Variants in NPAS3 observed in about 807,000 individuals in gnomAD.
The protein encoded by NPAS3 is neuronal PAS domain protein 3, also known as neuronal PAS domain-containing protein 3.
NPAS3 carries 14 observed loss-of-function variants against 73.1 expected under a neutral mutation model. The ratio of observed to expected loss-of-function variants is 0.19; its 90% CI spans 0.13 to 0.30. The LOEUF is 0.30. Among genes scored for constraint, NPAS3 ranks in the 10% least tolerant of loss-of-function variants. NPAS3 has a pLI of 1.00. For missense variants in NPAS3, 1,096 were observed against 1,250.0 expected (o/e 0.88, Z 1.86); for synonymous variants, 620 against 541.5 (o/e 1.14, Z -2.01).
At chr14:33,049,448 C>A (rs886440822) in intron 1 of NPAS3, among the ~76,000 whole-genome samples, 11 of 152,190 alleles carry the variant, frequency 7.2e-5, no homozygotes, top group South Asian at 2.1e-4. Context: ...GGAAGCCTCA[C>A]AATCATGGGG....
chr14:33,194,543 C>T (rs897645322), intron 2 of NPAS3, among the ~76,000 whole-genome samples: 2 of 152,160 alleles, frequency 1.3e-5, no homozygotes, highest in Non-Finnish European at 2.9e-5. Context: ...TCACTTTTAA[C>T]ATGTGGTCCA....
chr14:33,154,735 C>T (rs2044586163), intron 2 of NPAS3, among the ~76,000 whole-genome samples: 1 of 152,150 alleles, frequency 6.6e-6, no homozygotes, highest in African/African-American at 2.4e-5. Flanking sequence ...ATTCTGCTTC[C>T]TAACAAACAA....
Position 32,985,986 on chromosome 14 carries a change from A to T in NPAS3, c.50+46620A>T, listed in dbSNP as rs144895083. Among the ~76,000 whole-genome samples, 470 of 152,306 alleles carry T rather than the reference A, an allele frequency of 3.1e-3. 4 individuals are homozygous for T. The highest frequency in any genetic ancestry group is 0.014 in the South Asian group (69 of 4,828). ...CATTCAGACAGACAGCAGTAAGGAC[A>T]TGGGGCTGCAGCCATTGTCACTACA... On this transcript the variant is annotated intron_variant, in intron 1 of 11. Coordinates refer to ENST00000356141, the Ensembl canonical transcript of NPAS3.
At chr14:33,424,692 C>T (rs763978402) in intron 4 of NPAS3, among the ~76,000 whole-genome samples, 4 of 149,688 alleles carry the variant, frequency 2.7e-5, no homozygotes, top group African/African-American at 9.9e-5. Context: ...AAGGTGATGC[C>T]AATCCATAAG....
At chr14:33,164,440 C>T (rs1208651687) in intron 2 of NPAS3, among the ~76,000 whole-genome samples, 1 of 151,822 alleles carries the variant, frequency 6.6e-6, no homozygotes, top group Non-Finnish European at 1.5e-5. Context: ...AAGTTCTTAC[C>T]AGTCACAAAT....
chr14:33,515,466 C>T (rs2053253885), intron 4 of NPAS3, among the ~76,000 whole-genome samples: 1 of 152,038 alleles, frequency 6.6e-6, no homozygotes, highest in Non-Finnish European at 1.5e-5. Context: ...CTCCCACCAG[C>T]CAAATCTGGC....
At chr14:33,707,700 G>A (rs1013515165) in intron 6 of NPAS3, among the ~76,000 whole-genome samples, 2 of 152,196 alleles carry the variant, frequency 1.3e-5, no homozygotes, top group East Asian at 3.8e-4. Context: ...AAGATGGAGG[G>A]CAGGAGAAGG....
At chr14:33,215,592 A>C (rs982815804) in intron 3 of NPAS3, 166 bp downstream of exon 3, 2 of 800,262 alleles carry the variant, frequency 2.5e-6, no homozygotes, top group African/African-American at 3.4e-5. Context: ...GTGAAGGTGA[A>C]ATAAACCTCT....
At chr14:32,936,862 C>T (rs1265509524), upstream of NPAS3, among the ~76,000 whole-genome samples, 1 of 151,968 alleles carries the variant, frequency 6.6e-6, no homozygotes, top group Non-Finnish European at 1.5e-5. Context: ...TGGTGCTTTC[C>T]ACTTTCAACT....
At chr14:33,454,538 G>T (rs1244542755) in intron 4 of NPAS3, among the ~76,000 whole-genome samples, 1 of 152,128 alleles carries the variant, frequency 6.6e-6, no homozygotes, top group African/African-American at 2.4e-5. Context: ...GAGTGTTGGT[G>T]GTTATTGTTG....
chr14:33,564,117 G>A (rs1160199725), intron 5 of NPAS3, among the ~76,000 whole-genome samples: 1 of 152,048 alleles, frequency 6.6e-6, no homozygotes, highest in Non-Finnish European at 1.5e-5. Context: ...AGGAAAAGGA[G>A]ATAAGCAAAA....
At position 33,402,844 on chromosome 14, in the gene NPAS3, T is replaced by C. The variant is rs559973541; in HGVS notation, c.468+35576T>C. Among the ~76,000 whole-genome samples the C allele has an allele frequency of 9.8e-5, 15 of 152,302 alleles. 1 individual carries two copies. In the South Asian group the frequency reaches 2.9e-3, roughly 29 times the overall value. On this transcript the variant is annotated intron_variant, in intron 4 of 11. Transcript: ENST00000356141. The stretch of plus-strand genomic sequence containing the variant: ...TGAGTCTATCACTACAGAGAGGCAC[T>C]GTTTTTCTGACAAGGACTACTAAGC...
chr14:33,016,647 G>A (rs926822643), intron 1 of NPAS3, among the ~76,000 whole-genome samples: 1 of 146,346 alleles, frequency 6.8e-6, no homozygotes, highest in South Asian at 2.2e-4. Context: ...CTAACCCATT[G>A]CTTAATTGGC....
At chr14:33,439,422 T>G (rs926500220) in intron 4 of NPAS3, among the ~76,000 whole-genome samples, 2 of 152,206 alleles carry the variant, frequency 1.3e-5, no homozygotes, top group Non-Finnish European at 2.9e-5. Flanking sequence ...GTCCTGCATC[T>G]CTGAGCTAAG....
intron 3 of NPAS3, among the ~76,000 whole-genome samples, chr14:33,221,326 A>C: frequency 6.6e-6 from 1 of 152,192 alleles, no homozygotes; most frequent in South Asian, 2.1e-4. Flanking sequence ...AGGGAAGCAC[A>C]TTGCACCTCT....
At chr14:33,227,302 C>T (rs2047671067) in intron 3 of NPAS3, among the ~76,000 whole-genome samples, 1 of 152,210 alleles carries the variant, frequency 6.6e-6, no homozygotes, top group Non-Finnish European at 1.5e-5. Flanking sequence ...CAATCAGACT[C>T]AACCTCCTTG....
intron 2 of NPAS3, among the ~76,000 whole-genome samples, chr14:33,191,409 G>A (rs72678809): frequency 0.029 from 4,398 of 152,130 alleles, 77 homozygotes; most frequent in East Asian, 0.072. Flanking sequence ...ACAAGTAGAA[G>A]CAACTAAATA....
intron 4 of NPAS3, among the ~76,000 whole-genome samples, chr14:33,417,072 G>A (rs545325597): frequency 6.6e-6 from 1 of 152,118 alleles, no homozygotes; most frequent in South Asian, 2.1e-4. Context: ...TTTCAGGAAA[G>A]TATATGCAAG....
At chr14:33,230,769 C>T (rs373008498) in intron 3 of NPAS3, among the ~76,000 whole-genome samples, 4 of 152,214 alleles carry the variant, frequency 2.6e-5, no homozygotes, top group South Asian at 2.1e-4. Context: ...TTAAAATATA[C>T]GTTCTTTTCA....
Sources: gnomAD v4.1 joint callset for allele counts (sites outside exome capture counted in the v4.1 genomes callset) on GRCh38, gnomAD v4.1.1 for gene constraint, MANE v1.5 for transcripts, NCBI Gene and HGNC (gene_info 2026-07-23, HGNC 2026-07-21) for gene names.